PRDM15: variants seen among roughly 807,000 people sequenced by gnomAD.
The protein encoded by PRDM15 is PR/SET domain 15, also known as PR domain zinc finger protein 15.
A neutral mutation model predicts 128.6 loss-of-function variants in PRDM15; 64 were observed. The observed-to-expected ratio is 0.50, with a 90% confidence interval of 0.41 to 0.61. The LOEUF (loss-of-function observed/expected upper bound fraction) is 0.61, where lower values mean the gene tolerates loss of function less well. PRDM15 is among the 20% of genes least tolerant of loss of function. The pLI is 0.00. For synonymous variants in PRDM15, 615 were observed against 621.8 expected (o/e 0.99, Z 0.16); for missense variants, 1,242 against 1,569.1 (o/e 0.79, Z 3.52).
At chr21:41,807,608 ACTT>A (rs1217828210) in intron 21 of PRDM15, among the ~76,000 whole-genome samples, 8 of 150,340 alleles carry the variant, frequency 5.3e-5, no homozygotes, top group African/African-American at 2.0e-4. Context: ...GCCTCTGTCT[ACTT>A]CTTATTTTTC....
chr21:41,833,405 G>A lies in PRDM15; in HGVS notation c.1366+2032C>T, dbSNP rs145919296. Among the ~76,000 whole-genome samples, 240 of 152,238 alleles carry A rather than the reference G, an allele frequency of 1.6e-3. 1 individual carries two copies. The highest frequency in any genetic ancestry group is 5.3e-3 in the African/African-American group (222 of 41,568). On this transcript the variant is annotated intron_variant, in intron 11 of 23. Coordinates refer to ENST00000398548, the MANE Select transcript of PRDM15 (RefSeq NM_001040424.3). The stretch of plus-strand genomic sequence containing the variant: ...ACAGTGACCCATCCCTCTGTGCCCC[G>A]CTGGGGACCCCCACTGCTTGGGCCT...
intron 18 of PRDM15, 126 bp from the exon 19 acceptor site, chr21:41,815,962 C>A: frequency 8.5e-7 from 1 of 1,173,326 alleles, no homozygotes; most frequent in Admixed American, 2.3e-5. Flanking sequence ...GTGGGCCGGC[C>A]CCCGAGGATC....
intron 19 of PRDM15, chr21:41,814,128 G>A (rs1457653657): frequency 2.5e-5 from 3 of 119,594 alleles, no homozygotes; most frequent in African/African-American, 9.9e-5. Context: ...AGAATGCCTC[G>A]TGTTAGTGAT....
At chr21:41,869,437 C>CCATTTTTTT (rs1569022503) in intron 1 of PRDM15, among the ~76,000 whole-genome samples, 1 of 143,408 alleles carries the variant, frequency 7.0e-6, no homozygotes, top group African/African-American at 2.5e-5. Context: ...ACATCACCGG[C>CCATTTTTTT]TATTTTTTTT....
chr21:41,860,088 C>T (rs1285246234), intron 2 of PRDM15, among the ~76,000 whole-genome samples: 2 of 152,204 alleles, frequency 1.3e-5, no homozygotes, highest in Admixed American at 1.3e-4. Flanking sequence ...CAAGTGCTAC[C>T]CCCTGCAAAG....
At chr21:41,801,818 A>C (rs1365092788) in intron 23 of PRDM15, 96 bp from the exon 24 acceptor site, 8 of 1,344,952 alleles carry the variant, frequency 5.9e-6, no homozygotes, top group South Asian at 1.4e-5. Flanking sequence ...CACACCAAAG[A>C]AGCACGACAT....
chr21:41,855,890 TTTCC>T (rs552483795), intron 4 of PRDM15, among the ~76,000 whole-genome samples: 17 of 149,702 alleles, frequency 1.1e-4, no homozygotes, highest in African/African-American at 4.2e-4. Flanking sequence ...CAGCCTTTTC[TTTCC>T]TTCCTTCCTT....
intron 21 of PRDM15, among the ~76,000 whole-genome samples, chr21:41,809,949 C>A (rs539320323): frequency 1.8e-4 from 28 of 152,342 alleles, no homozygotes; most frequent in African/African-American, 6.7e-4. Flanking sequence ...TAGCAAAGGT[C>A]CGCCTGAGGC....
chr21:41,806,689 C>T (rs1460182187), intron 21 of PRDM15, among the ~76,000 whole-genome samples: 1,425 of 15,738 alleles, frequency 0.091, 271 homozygotes, highest in East Asian at 0.42. Context: ...ACCACCATCA[C>T]CACCACCACC....
rs1050124868 is a variant in PRDM15 at position 41,821,507 on chromosome 21, C to CA, written c.1897-278dup. 1.6e-4 allele frequency among the ~76,000 whole-genome samples: 25 copies of CA among 152,058 alleles called. No homozygotes were observed. Among genetic ancestry groups the CA allele is most frequent in the African/African-American group, 6.0e-4 (25 of 41,388 alleles). ...CACAGGGGAGGCCTCGTGAGGGCTTCAGGCCTCAGCAGGGAGGAGGAGGGG... is the reference window on the plus strand; with the variant it reads ...CACAGGGGAGGCCTCGTGAGGGCTTCAAGGCCTCAGCAGGGAGGAGGAGGGG... On this transcript the variant is annotated intron_variant, in intron 15 of 23. Coordinates refer to ENST00000398548, the MANE Select transcript of PRDM15 (RefSeq NM_001040424.3). This position sits in a 1 kb window ranked among gnomAD's most constrained non-coding sequence, Gnocchi z 5.4.
intron 7 of PRDM15, among the ~76,000 whole-genome samples, chr21:41,838,392 T>C (rs2062965272): frequency 6.6e-6 from 1 of 152,248 alleles, no homozygotes; most frequent in African/African-American, 2.4e-5. Context: ...AACTTCGAAC[T>C]TACTACATCA....
intron 11 of PRDM15, chr21:41,834,450 C>T (rs1601290959): frequency 1.4e-6 from 2 of 1,457,692 alleles, no homozygotes; most frequent in African/African-American, 2.8e-5. Context: ...CACAGAGATG[C>T]AAGTGACAGA....
intron 9 of PRDM15, 43 bp downstream of exon 9, chr21:41,836,425 C>A: frequency 6.3e-7 from 1 of 1,578,492 alleles, no homozygotes; most frequent in Non-Finnish European, 8.6e-7. Context: ...CAGCCCCAGT[C>A]CTGGCCCTGG....
chr21:41,859,566 C>A lies in PRDM15; in HGVS notation c.131+26G>T. ...CCTGCCGCAGCTGGCATATGGAAGGCCCGGGAGCTCACGGCGGTCACTCAC... is the reference window on the plus strand; with the variant it reads ...CCTGCCGCAGCTGGCATATGGAAGGACCGGGAGCTCACGGCGGTCACTCAC... On this transcript the variant is annotated intron_variant, in intron 3 of 23. Coordinates refer to ENST00000398548, the MANE Select transcript of PRDM15 (RefSeq NM_001040424.3). The surrounding 1 kb of genome is among the most constrained non-coding windows in gnomAD (Gnocchi z 5.3). 6.3e-7 allele frequency: 1 copy of A among 1,596,112 alleles called. No individual in the cohort carries two copies. Among genetic ancestry groups the A allele is most frequent in the East Asian group, 2.2e-5 (1 of 44,718 alleles).
intron 10 of PRDM15, 121 bp downstream of exon 10, chr21:41,835,992 A>G: frequency 1.1e-5 from 2 of 186,034 alleles, no homozygotes; most frequent in South Asian, 4.2e-5. Flanking sequence ...CCTCCCCCAC[A>G]GCCCCCGCCC....
intron 8 of PRDM15, among the ~76,000 whole-genome samples, chr21:41,837,391 T>C (rs977917159): frequency 2.0e-5 from 3 of 152,248 alleles, no homozygotes; most frequent in Non-Finnish European, 4.4e-5. Flanking sequence ...AAGGAAATTC[T>C]GACACAGGCT....
At chr21:41,806,114 CCACCACCACCAT>C (rs2061583241) in intron 21 of PRDM15, among the ~76,000 whole-genome samples, 1 of 22,730 alleles carries the variant, frequency 4.4e-5, no homozygotes, top group Non-Finnish European at 9.0e-5. Flanking sequence ...ATCACCACCA[CCACCACCACCAT>C]CACCACCACC....
rs1240979786 is a variant in PRDM15, at chr21:41,857,258, T to C, written c.203A>G (p.Gln68Arg). ...DGAEGVFAIT[Q>R]LVKRTQFGPF... Reference sequence around the variant, plus strand: ...ACCGAACTGTGTCCGCTTGACGAGCTGAGTGATGGCGAACACCCCCTCGGC... The same window carrying C: ...ACCGAACTGTGTCCGCTTGACGAGCCGAGTGATGGCGAACACCCCCTCGGC... The change falls in exon 4 of 24, where the codon CAG becomes CGG. Residue 68 changes from glutamine to arginine, a missense_variant. Transcript: ENST00000398548. 6.2e-7 allele frequency: 1 copy of C among 1,613,930 alleles called. No homozygotes were observed. Among genetic ancestry groups the C allele is most frequent in the African/African-American group, 1.3e-5 (1 of 75,028 alleles).
intron 7 of PRDM15, 62 bp downstream of exon 7, chr21:41,839,561 C>T: frequency 6.8e-7 from 1 of 1,470,598 alleles, no homozygotes; most frequent in Non-Finnish European, 9.5e-7. Flanking sequence ...GCCCCGCCAG[C>T]CCTCGGGCGC....
Sources: gnomAD v4.1 joint callset for allele counts (sites outside exome capture counted in the v4.1 genomes callset) on GRCh38, gnomAD v4.1.1 for gene constraint, Gnocchi (gnomAD v3.1) non-coding constraint, MANE v1.5 for transcripts, NCBI Gene and HGNC (gene_info 2026-07-23, HGNC 2026-07-21) for gene names.